ROS1: variants seen among roughly 807,000 people sequenced by gnomAD.
ROS1 encodes the protein ROS proto-oncogene 1, receptor tyrosine kinase.
In ROS1, 263 loss-of-function variants were observed where a neutral mutation model predicts 273.5. The observed-to-expected ratio is 0.96, with a 90% CI of 0.87 to 1.06. The LOEUF (loss-of-function observed/expected upper bound fraction) is 1.06, where lower values mean the gene tolerates loss of function less well. Among genes scored for constraint, ROS1 ranks in the 50% least tolerant of loss-of-function variants. The pLI, the probability that ROS1 is intolerant of heterozygous loss-of-function variation, is 0.00. For missense variants in ROS1, 2,833 were observed against 2,751.1 expected, an observed-to-expected ratio of 1.03 and a Z score of -0.67; for synonymous variants, 1,008 against 954.1, an observed-to-expected ratio of 1.06 and a Z score of -1.04.
rs1381396919 is a variant in ROS1 at position 117,353,112 on chromosome 6, G to C, written c.4181C>G (p.Thr1394Arg). The change falls in exon 27 of 44, where the codon ACA becomes AGA. Residue 1394 changes from threonine (T) to arginine (R), a missense_variant. Transcript: ENST00000368507. ...VDGDLIYWII[T>R]AKDSTQIYQA... Reference sequence around the variant, plus strand: ...ATAAATCTGTGTGCTGTCCTTTGCTGTGATGATCCAGTATATAAGATCTCC... The same window carrying C: ...ATAAATCTGTGTGCTGTCCTTTGCTCTGATGATCCAGTATATAAGATCTCC... 1 of 1,614,000 alleles carries C rather than the reference G, an allele frequency of 6.2e-7. No homozygotes were observed. Among genetic ancestry groups the C allele is most frequent in the Non-Finnish European group, 8.5e-7 (1 of 1,179,942 alleles).
At position 117,353,036 on chromosome 6, in the gene ROS1, C is replaced by T. The variant is rs1449068003; in HGVS notation, c.4257G>A (p.Arg1419=). 6.2e-7 allele frequency: 1 copy of T among 1,614,126 alleles called. No homozygotes were observed. Among genetic ancestry groups the T allele is most frequent in the East Asian group, 2.2e-5 (1 of 44,876 alleles). The change falls in exon 27 of 44, where the codon AGG becomes AGA. Residue 1419 remains arginine, a synonymous_variant. Transcript: ENST00000368507. ...GAIVSQVKAL[R]SRHILAYSSV... ...AACTGTAAGCCAAGATATGCCTACTCCTTAGGGCCTTCACCTGGGAAACGA... is the reference window on the plus strand; with the variant it reads ...AACTGTAAGCCAAGATATGCCTACTTCTTAGGGCCTTCACCTGGGAAACGA...
intron 35 of ROS1, among the ~76,000 whole-genome samples, chr6:117,322,471 T>C (rs574853363): frequency 6.6e-6 from 1 of 152,298 alleles, no homozygotes; most frequent in Non-Finnish European, 1.5e-5. Context: ...CATATCTTGC[T>C]ATTTGTCTTC....
chr6:117,326,844 T>C (rs1776680207), intron 33 of ROS1, among the ~76,000 whole-genome samples: 1 of 152,188 alleles, frequency 6.6e-6, no homozygotes, highest in Admixed American at 6.5e-5. Context: ...ACAAAATTGA[T>C]AAGGAAAGTG....
chr6:117,304,603 A>G (rs1774967734), intron 42 of ROS1, among the ~76,000 whole-genome samples: 1 of 152,224 alleles, frequency 6.6e-6, no homozygotes, highest in Admixed American at 6.5e-5. Context: ...TGAGTAGTGT[A>G]ATGAAACATG....
At chr6:117,408,992 C>A (rs1451549695) in intron 5 of ROS1, among the ~76,000 whole-genome samples, 1 of 142,444 alleles carries the variant, frequency 7.0e-6, no homozygotes, top group African/African-American at 2.6e-5. Flanking sequence ...CATGTTCTCA[C>A]TCATAGGTGG....
rs529695010 is a variant in ROS1, at chr6:117,383,504, T to C, written c.2294A>G (p.Gln765Arg). 4 of 1,613,150 alleles carry C rather than the reference T, an allele frequency of 2.5e-6. No homozygotes were observed. The highest frequency in any genetic ancestry group is 3.4e-6 in the Non-Finnish European group (4 of 1,179,130). ...GTGTCCCGTCAACACAGACTGCCTT[T>C]GTATCTAAAAAACATAATTGTATGG... ...LYWAGKTYVI[Q>R]RQSVLTGHTD... The change falls in exon 17 of 44, where the codon CAA becomes CGA. Residue 765 changes from glutamine to arginine, a missense_variant. Physicochemically the swap from Gln to Arg is conservative, Grantham distance 43. Coordinates refer to ENST00000368507, the MANE Select transcript of ROS1 (RefSeq NM_001378902.1).
At chr6:117,381,312 G>T (rs1772124582) in intron 17 of ROS1, among the ~76,000 whole-genome samples, 2 of 151,904 alleles carry the variant, frequency 1.3e-5, no homozygotes, top group Non-Finnish European at 1.5e-5. Flanking sequence ...TAAAGGCTGA[G>T]ATTTCAGTGC....
chr6:117,310,138 C>A lies in ROS1; in HGVS notation c.6359G>T (p.Arg2120Leu), dbSNP rs199882276. ...RKRGEGLLPV[R>L]WMAPESLMDG... Reference sequence around the variant, plus strand: ...CATCAAACTTTCTGGAGCCATCCACCGAACTGGGAGCAGGCCTTCCCCTCT... The same window carrying A: ...CATCAAACTTTCTGGAGCCATCCACAGAACTGGGAGCAGGCCTTCCCCTCT... Residue 2120 changes from arginine (R) to leucine (L), a missense_variant, in exon 41 of 44, where the codon CGG becomes CTG. Physicochemically the swap from Arg to Leu is moderately radical, Grantham distance 102. Coordinates refer to ENST00000368507, the MANE Select transcript of ROS1 (RefSeq NM_001378902.1). The A allele has an allele frequency of 1.2e-6, 2 of 1,613,330 alleles. No individual in the cohort carries two copies. Among genetic ancestry groups the A allele is most frequent in the Non-Finnish European group, 1.7e-6 (2 of 1,179,634 alleles).
At chr6:117,290,846 G>A (rs1427879604) in intron 43 of ROS1, among the ~76,000 whole-genome samples, 3 of 152,052 alleles carry the variant, frequency 2.0e-5, no homozygotes, top group African/African-American at 7.2e-5. Context: ...GCTTTAAAAA[G>A]TCCTTTCAAT....
At chr6:117,312,242 T>C (rs2128551238) in intron 39 of ROS1, among the ~76,000 whole-genome samples, 1 of 152,230 alleles carries the variant, frequency 6.6e-6, no homozygotes, top group African/African-American at 2.4e-5. Flanking sequence ...ATGGACAGCC[T>C]TAGCTGAGTA....
At chr6:117,351,625 G>A (rs1014170835) in intron 27 of ROS1, among the ~76,000 whole-genome samples, 1 of 152,076 alleles carries the variant, frequency 6.6e-6, no homozygotes, top group Non-Finnish European at 1.5e-5. Flanking sequence ...AAAGATTTCA[G>A]CTCATGGGTT....
At chr6:117,411,741 A>G (rs879561659) in intron 4 of ROS1, among the ~76,000 whole-genome samples, 1 of 152,186 alleles carries the variant, frequency 6.6e-6, no homozygotes, top group Non-Finnish European at 1.5e-5. Context: ...CATTCATTCA[A>G]GAATATTTGA....
intron 5 of ROS1, among the ~76,000 whole-genome samples, chr6:117,408,677 C>G (rs939224113): frequency 2.0e-5 from 3 of 152,098 alleles, no homozygotes; most frequent in African/African-American, 7.2e-5. Flanking sequence ...GGATCTAGAA[C>G]TAGAAATATC....
At position 117,311,374 on chromosome 6, in the gene ROS1, C is replaced by T. The variant is rs1361949486; in HGVS notation, c.6118-257G>A. 2.0e-5 allele frequency among the ~76,000 whole-genome samples: 3 copies of T among 151,944 alleles called. No individual in the cohort carries two copies. In the South Asian group the frequency reaches 6.2e-4, roughly 32 times the overall value. ...AATATGGAATCTTTATTGGAAAGAC[C>T]TCCAGGTGTCAGGTCAGACAGATCG... On this transcript the variant is annotated intron_variant, in intron 39 of 43. Transcript: ENST00000368507.
intron 42 of ROS1, chr6:117,301,888 A>G (rs1728159853): frequency 6.6e-6 from 1 of 152,178 alleles, no homozygotes; most frequent in South Asian, 2.1e-4. Context: ...TGGTTAATTA[A>G]ACATTATCTT....
At position 117,383,413 on chromosome 6, in the gene ROS1, A is replaced by G. The variant is rs1772314045; in HGVS notation, c.2385T>C (p.Tyr795=). ...NDMVVDSVGG[Y]LYWTTLYSVE... ...CTGAATAGAGTGTGGTCCAGTAGAGATATCCACCAACTGAATCCACCACCA... is the reference window on the plus strand; with the variant it reads ...CTGAATAGAGTGTGGTCCAGTAGAGGTATCCACCAACTGAATCCACCACCA... The change falls in exon 17 of 44, where the codon TAT becomes TAC. Residue 795 remains tyrosine, a synonymous_variant. Coordinates refer to ENST00000368507, the MANE Select transcript of ROS1 (RefSeq NM_001378902.1). 2 of 1,613,848 alleles carry G rather than the reference A, an allele frequency of 1.2e-6. No individual in the cohort carries two copies. The highest frequency in any genetic ancestry group is 1.7e-6 in the Non-Finnish European group (2 of 1,179,858).
chr6:117,354,476 C>T (rs183464488), intron 26 of ROS1, among the ~76,000 whole-genome samples: 5 of 151,920 alleles, frequency 3.3e-5, no homozygotes, highest in East Asian at 1.9e-4. Context: ...GACTAATGAA[C>T]GGGAGAAATG....
intron 18 of ROS1, among the ~76,000 whole-genome samples, chr6:117,378,481 A>G (rs1462330843): frequency 6.6e-6 from 1 of 152,232 alleles, no homozygotes; most frequent in African/African-American, 2.4e-5. Context: ...GATGATGGAT[A>G]TGTTCTGTGT....
At chr6:117,297,246 A>G (rs1272327771) in intron 43 of ROS1, among the ~76,000 whole-genome samples, 2 of 152,206 alleles carry the variant, frequency 1.3e-5, no homozygotes, top group Admixed American at 1.3e-4. Context: ...TACATGTAAT[A>G]AATGAAACTG....
Sources: allele counts gnomAD v4.1 joint callset (sites outside exome capture counted in the v4.1 genomes callset), GRCh38; gene constraint gnomAD v4.1.1; transcripts MANE v1.5; gene names NCBI Gene and HGNC (gene_info 2026-07-23, HGNC 2026-07-21).